The following DLG1 variants were observed in gnomAD, a reference collection of about 807,000 sequenced individuals.
DLG1 encodes disks large homolog 1.
DLG1 carries 42 observed loss-of-function variants against 123.4 expected under a neutral mutation model. That is an observed-to-expected ratio of 0.34 (90% CI 0.27 to 0.44). The LOEUF is 0.44. Among genes scored for constraint, DLG1 ranks in the 20% least tolerant of loss-of-function variants. The pLI is 1.00. For synonymous variants in DLG1, 317 were observed against 356.2 expected (o/e 0.89, Z 1.24); for missense variants, 942 against 1,082.6 (o/e 0.87, Z 1.82).
At chr3:197,227,500 C>A (rs1246570849) in intron 4 of DLG1, among the ~76,000 whole-genome samples, 1 of 151,826 alleles carries the variant, frequency 6.6e-6, no homozygotes, top group East Asian at 1.9e-4. Flanking sequence ...AAACAAAAAA[C>A]AAAAACAAGA....
chr3:197,251,322 G>T (rs2150860864), intron 4 of DLG1, among the ~76,000 whole-genome samples: 1 of 152,180 alleles, frequency 6.6e-6, no homozygotes, highest in Non-Finnish European at 1.5e-5. Flanking sequence ...AAAATTATAT[G>T]GAACCACAAA....
intron 11 of DLG1, among the ~76,000 whole-genome samples, chr3:197,121,496 C>G (rs768563774): frequency 6.6e-6 from 1 of 151,880 alleles, no homozygotes; most frequent in Non-Finnish European, 1.5e-5. Flanking sequence ...AAGTTAAAAG[C>G]GAGAAAATAT....
chr3:197,162,197 C>T (rs1204407294), intron 5 of DLG1, among the ~76,000 whole-genome samples: 1 of 152,006 alleles, frequency 6.6e-6, no homozygotes, highest in Non-Finnish European at 1.5e-5. Context: ...CTTCTGTTAT[C>T]AAGAACAGTA....
At chr3:197,253,316 A>G (rs1242643108) in intron 4 of DLG1, among the ~76,000 whole-genome samples, 1 of 152,240 alleles carries the variant, frequency 6.6e-6, no homozygotes, top group Non-Finnish European at 1.5e-5. Context: ...TAAGCACATG[A>G]AAAGATGTCC....
rs1381429589 is a variant in DLG1 at position 197,136,531 on chromosome 3, C to T, written c.1020+11G>A. The stretch of plus-strand genomic sequence containing the variant: ...AAATGATTTAAAAGACAATAGATTT[C>T]TTATACTTACTGCTAAAAGTTTATC... On this transcript the variant is annotated intron_variant, in intron 10 of 24. Coordinates refer to ENST00000667157, the MANE Select transcript of DLG1 (RefSeq NM_001366207.1). 1.2e-6 allele frequency: 2 copies of T among 1,600,480 alleles called. No individual in the cohort carries two copies. Among genetic ancestry groups the T allele is most frequent in the African/African-American group, 2.7e-5 (2 of 74,266 alleles).
intron 18 of DLG1, among the ~76,000 whole-genome samples, chr3:197,075,613 G>A (rs1746734555): frequency 6.6e-6 from 1 of 152,038 alleles, no homozygotes; most frequent in African/African-American, 2.4e-5. Context: ...ATAGTTACGA[G>A]CAAGAGAATT....
intron 17 of DLG1, among the ~76,000 whole-genome samples, chr3:197,079,686 A>G (rs1361446083): frequency 6.6e-6 from 1 of 152,192 alleles, no homozygotes; most frequent in African/African-American, 2.4e-5. Flanking sequence ...TCAAATCCTG[A>G]GCATTTACCT....
intron 11 of DLG1, 110 bp downstream of exon 11, chr3:197,130,417 A>G: frequency 1.0e-6 from 1 of 997,820 alleles, no homozygotes; most frequent in East Asian, 3.1e-5. Flanking sequence ...TTGTTTCTTT[A>G]AAAATATTTG....
chr3:197,060,727 G>C (rs1360636100), intron 22 of DLG1, among the ~76,000 whole-genome samples: 1 of 152,162 alleles, frequency 6.6e-6, no homozygotes, highest in African/African-American at 2.4e-5. Context: ...TTTTAATACA[G>C]ATGAGCATTT....
intron 4 of DLG1, among the ~76,000 whole-genome samples, chr3:197,246,239 T>G (rs377393590): frequency 2.0e-5 from 3 of 152,144 alleles, no homozygotes; most frequent in African/African-American, 7.2e-5. Flanking sequence ...CATCTATGAA[T>G]AGCTGTTGTC....
At chr3:197,200,736 C>T (rs7639516) in intron 4 of DLG1, among the ~76,000 whole-genome samples, 113,249 of 151,988 alleles carry the variant, frequency 0.75, 42,292 homozygotes, top group East Asian at 0.82. Flanking sequence ...CTTATTTCAA[C>T]AGACTCACCT....
At chr3:197,073,995 T>C (rs1273432553) in intron 18 of DLG1, among the ~76,000 whole-genome samples, 4 of 152,176 alleles carry the variant, frequency 2.6e-5, no homozygotes, top group Admixed American at 2.0e-4. Flanking sequence ...ATTCCCTACA[T>C]TCTTAACTTC....
intron 14 of DLG1, among the ~76,000 whole-genome samples, chr3:197,094,185 C>T (rs1759348089): frequency 1.3e-5 from 2 of 152,180 alleles, no homozygotes; most frequent in Admixed American, 6.5e-5. Context: ...CTAAGTCCCA[C>T]TAAGTGACCT....
At chr3:197,259,539 G>T (rs530723689) in intron 4 of DLG1, among the ~76,000 whole-genome samples, 2 of 151,998 alleles carry the variant, frequency 1.3e-5, no homozygotes, top group Non-Finnish European at 2.9e-5. Context: ...ATGAGACATC[G>T]TAAGTGCATA....
rs145314765 is a variant in DLG1, at chr3:197,164,739, T to TAA, written c.484-14945_484-14944dup. Among the ~76,000 whole-genome samples the TAA allele has an allele frequency of 4.7e-3, 608 of 130,658 alleles. 8 individuals carry two copies. Among genetic ancestry groups the TAA allele is most frequent in the African/African-American group, 0.016 (531 of 33,386 alleles). The allele number at this position is 130,658 out of a possible 152,430, so 85.7% of individuals were successfully genotyped here. On this transcript the variant is annotated intron_variant, in intron 5 of 24. Transcript: ENST00000667157. ...CAACATGGCAAAACCCCGTCTCTACTAAAAAAAAAAAAAAAAGAAAAAAAA... is the reference window on the plus strand; with the variant it reads ...CAACATGGCAAAACCCCGTCTCTACTAAAAAAAAAAAAAAAAAAGAAAAAAAA...
chr3:197,297,272 T>C (rs1418825595), intron 1 of DLG1, 37 bp from the exon 2 acceptor site: 1 of 1,610,546 alleles, frequency 6.2e-7, no homozygotes, highest in Non-Finnish European at 8.5e-7. Context: ...AAGGATAGAA[T>C]CATGTTAAAC....
rs1457261636 is a variant in DLG1, at chr3:197,296,368, G to T, written c.129C>A (p.Ser43Arg). 2 of 1,613,508 alleles carry T rather than the reference G, an allele frequency of 1.2e-6. No individual in the cohort carries two copies. Residue 43 changes from serine (S) to arginine (R), a missense_variant, in exon 3 of 25, where the codon AGC becomes AGA. Transcript: ENST00000667157. ...CACCTATTAAAGCCTGAAAGAGGTT[G>T]CTCTGAAATATGTTAATAACCCGTT... is the stretch of plus-strand genomic sequence containing the variant. The part of the protein sequence containing the change: ...SIERVINIFQ[S>R]NLFQALIDIQ...
chr3:197,182,736 T>C (rs545195817), intron 5 of DLG1, among the ~76,000 whole-genome samples: 1 of 152,304 alleles, frequency 6.6e-6, no homozygotes, highest in South Asian at 2.1e-4. Context: ...TTATTTTTAC[T>C]AAAGTTGAAC....
At chr3:197,211,466 G>T (rs1326956751) in intron 4 of DLG1, among the ~76,000 whole-genome samples, 1 of 146,478 alleles carries the variant, frequency 6.8e-6, no homozygotes, top group East Asian at 2.0e-4. Context: ...CTTCATCCCG[G>T]GATGCAAGGC....
Sources: allele counts gnomAD v4.1 joint callset (sites outside exome capture counted in the v4.1 genomes callset), GRCh38; gene constraint gnomAD v4.1.1; transcripts MANE v1.5; gene names NCBI Gene and HGNC (gene_info 2026-07-23, HGNC 2026-07-21).